The following ARHGAP39 variants were observed in gnomAD, a reference collection of about 807,000 sequenced individuals.
ARHGAP39 encodes the protein Rho GTPase activating protein 39, also known as rho GTPase-activating protein 39.
A neutral mutation model predicts 106.9 loss-of-function variants in ARHGAP39; 44 were observed. That is an observed-to-expected ratio of 0.41 (90% confidence interval 0.32 to 0.53). The LOEUF is 0.53. Ranked by LOEUF, ARHGAP39 falls within the 20% of genes least tolerant of loss-of-function variation. The probability of loss-of-function intolerance (pLI) is 0.21; values close to 1 mark genes in which losing one functional copy is unlikely to be tolerated. For synonymous variants in ARHGAP39, 768 were observed against 693.2 expected (o/e 1.11, Z -1.69); for missense variants, 1,496 against 1,577.3 (o/e 0.95, Z 0.87).
chr8:144,574,167 AG>A (rs1293162504), intron 3 of ARHGAP39, among the ~76,000 whole-genome samples: 3 of 140,208 alleles, frequency 2.1e-5, no homozygotes, highest in Admixed American at 7.2e-5. Flanking sequence ...AAAAAAAAAA[AG>A]GGAAGAAGAT....
chr8:144,622,461 G>A (rs1563713061), intron 1 of ARHGAP39, among the ~76,000 whole-genome samples: 1 of 151,966 alleles, frequency 6.6e-6, no homozygotes, highest in Non-Finnish European at 1.5e-5. Context: ...GATACTCCGG[G>A]CTCTGCCACA....
the ARHGAP39 span, among the ~76,000 whole-genome samples, chr8:144,692,748 CTTTTTTTTTTTTT>C: frequency 1.4e-5 from 1 of 69,050 alleles, no homozygotes; most frequent in Non-Finnish European, 2.7e-5. Context: ...TTGTAAAATT[CTTTTTTTTTTTTT>C]TTTTTTTTTT....
intron 7 of ARHGAP39, among the ~76,000 whole-genome samples, chr8:144,534,959 C>A (rs1279530563): frequency 6.6e-6 from 1 of 152,168 alleles, no homozygotes; most frequent in African/African-American, 2.4e-5. Flanking sequence ...CTGGAAGGCG[C>A]GGCACCTTCC....
At chr8:144,537,882 G>A (rs1293367854) in intron 6 of ARHGAP39, 69 bp from the exon 7 acceptor site, 8 of 1,428,064 alleles carry the variant, frequency 5.6e-6, no homozygotes, top group Middle Eastern at 1.8e-4. Context: ...CTCAGCTCCC[G>A]CACTTGGCTG....
intron 1 of ARHGAP39, among the ~76,000 whole-genome samples, chr8:144,620,738 C>T (rs1820784157): frequency 6.6e-6 from 1 of 152,258 alleles, no homozygotes; most frequent in Admixed American, 6.5e-5. Flanking sequence ...CAGTGGGCTG[C>T]CCTGAGCACC....
intron 1 of ARHGAP39, among the ~76,000 whole-genome samples, chr8:144,618,835 G>A (rs1035245985): frequency 1.3e-5 from 2 of 152,254 alleles, no homozygotes; most frequent in African/African-American, 4.8e-5. Flanking sequence ...AGGCCCTGTG[G>A]CGTGGCGTGA....
intron 1 of ARHGAP39, among the ~76,000 whole-genome samples, chr8:144,676,392 G>A (rs181849045): frequency 1.2e-3 from 187 of 151,780 alleles, no homozygotes; most frequent in Admixed American, 3.5e-3. Flanking sequence ...TGATTGGTGC[G>A]TTTACAAACC....
chr8:144,626,599 G>A (rs1018412259), intron 1 of ARHGAP39, among the ~76,000 whole-genome samples: 1 of 151,510 alleles, frequency 6.6e-6, no homozygotes, highest in East Asian at 2.0e-4. Flanking sequence ...CCCTGTCCCG[G>A]CGGCCCCGTT....
At chr8:144,545,975 G>A (rs1817402637) in intron 5 of ARHGAP39, among the ~76,000 whole-genome samples, 165 bp from the exon 6 acceptor site, 1 of 152,194 alleles carries the variant, frequency 6.6e-6, no homozygotes, top group South Asian at 2.1e-4. Context: ...GGAGGCCCAG[G>A]GGAGCCCAGC....
At chr8:144,614,554 T>C (rs1226746891) in intron 1 of ARHGAP39, among the ~76,000 whole-genome samples, 1 of 152,188 alleles carries the variant, frequency 6.6e-6, no homozygotes, top group African/African-American at 2.4e-5. Context: ...GGTTTAACCA[T>C]GTTGGCCAGG....
intron 1 of ARHGAP39, among the ~76,000 whole-genome samples, chr8:144,615,897 A>G (rs963012880): frequency 6.6e-6 from 1 of 152,218 alleles, no homozygotes; most frequent in African/African-American, 2.4e-5. Context: ...TGTGCTCACC[A>G]AAGCCGCCTG....
chr8:144,657,321 A>G (rs1003843972), intron 1 of ARHGAP39, among the ~76,000 whole-genome samples: 1 of 152,202 alleles, frequency 6.6e-6, no homozygotes, highest in Non-Finnish European at 1.5e-5. Flanking sequence ...TTAGCTGGGC[A>G]TGGTGGTATG....
intron 1 of ARHGAP39, among the ~76,000 whole-genome samples, chr8:144,629,202 G>A (rs549941193): frequency 6.6e-5 from 10 of 152,232 alleles, no homozygotes; most frequent in African/African-American, 1.2e-4. Flanking sequence ...CTTCTGTAAC[G>A]GAAGGTTTTT....
At chr8:144,618,720 T>C (rs913566121) in intron 1 of ARHGAP39, among the ~76,000 whole-genome samples, 3 of 152,224 alleles carry the variant, frequency 2.0e-5, no homozygotes, top group Non-Finnish European at 4.4e-5. Flanking sequence ...AGCGGCTCCC[T>C]GCAACGTGGT....
Position 144,580,838 on chromosome 8 carries a change from G to A in ARHGAP39, c.512+8C>T, listed in dbSNP as rs998725871. On this transcript the variant is annotated splice_region_variant and intron_variant, in intron 3 of 11. Transcript: ENST00000377307. ...GGCCCCGCCCATAGCAGCTGCCCCC[G>A]CCCTCACCTGCCGCTGTCCTCCTTC... The A allele has an allele frequency of 4.6e-6, 6 of 1,294,472 alleles. No homozygotes were observed. Among genetic ancestry groups the A allele is most frequent in the Middle Eastern group, 2.7e-4 (1 of 3,698 alleles). The allele number at this position is 1,294,472 out of a possible 1,614,324, so 80.2% of individuals were successfully genotyped here. A position where few individuals can be genotyped will look rare whatever the true frequency, so the allele number is the denominator to read the frequency against.
At chr8:144,682,548 C>CAAAAA (rs1041779842) in intron 1 of ARHGAP39, among the ~76,000 whole-genome samples, 1 of 70,194 alleles carries the variant, frequency 1.4e-5, no homozygotes, top group Non-Finnish European at 3.4e-5. Flanking sequence ...GACTCTGTCT[C>CAAAAA]AAAAAAAAAA....
At chr8:144,596,934 G>A (rs1819644636) in intron 2 of ARHGAP39, among the ~76,000 whole-genome samples, 1 of 152,196 alleles carries the variant, frequency 6.6e-6, no homozygotes, top group Admixed American at 6.5e-5. Flanking sequence ...GTGTGTCCAG[G>A]CACATCGTGC....
chr8:144,635,291 C>T (rs1271605322), intron 1 of ARHGAP39, among the ~76,000 whole-genome samples: 1 of 152,182 alleles, frequency 6.6e-6, no homozygotes, highest in Admixed American at 6.5e-5. Context: ...TTAAGTTGGT[C>T]ACCAACGGTT....
In ARHGAP39 at chr8:144,647,864, T is replaced by C. The variant is rs1821484578; in HGVS notation, c.-82+37822A>G. Among the ~76,000 whole-genome samples, 1 of 152,150 alleles carries C rather than the reference T, an allele frequency of 6.6e-6. No individual in the cohort carries two copies. Among genetic ancestry groups the C allele is most frequent in the African/African-American group, 2.4e-5 (1 of 41,446 alleles). Reference sequence around the variant, plus strand: ...GCACCCATGTGCCAAGTACTGTACATAAAATAAGTCCATATCCAGACTCAT... The same window carrying C: ...GCACCCATGTGCCAAGTACTGTACACAAAATAAGTCCATATCCAGACTCAT... On this transcript the variant is annotated intron_variant, in intron 1 of 11. Transcript: ENST00000377307. The surrounding 1 kb of genome is among the most constrained non-coding windows in gnomAD (Gnocchi z 4.8).
Sources: allele counts gnomAD v4.1 joint callset (sites outside exome capture counted in the v4.1 genomes callset), GRCh38; gene constraint gnomAD v4.1.1; non-coding constraint Gnocchi (gnomAD v3.1); transcripts MANE v1.5; gene names NCBI Gene and HGNC (gene_info 2026-07-23, HGNC 2026-07-21).